The following BRIP1 variants were observed in gnomAD, a reference collection of about 807,000 sequenced individuals.
The protein encoded by BRIP1 is BRCA1 interacting DNA helicase 1.
Under a neutral mutation model 119.7 loss-of-function variants are expected in BRIP1, and 88 were observed. The ratio of observed to expected loss-of-function variants is 0.74; its 90% CI spans 0.62 to 0.88. BRIP1 has a LOEUF of 0.88. Among genes scored for constraint, BRIP1 ranks in the 40% least tolerant of loss-of-function variants. The probability of loss-of-function intolerance (pLI) is 0.00; values close to 1 mark genes in which losing one functional copy is unlikely to be tolerated. For synonymous variants in BRIP1, 443 were observed against 496.5 expected, an observed-to-expected ratio of 0.89 and a Z score of 1.43; for missense variants, 1,259 against 1,455.4, an observed-to-expected ratio of 0.87 and a Z score of 2.20.
At position 61,695,306 on chromosome 17, in the gene BRIP1, G is replaced by C. The variant is rs1315358670; in HGVS notation, c.2493-1794C>G. Among the ~76,000 whole-genome samples the C allele has an allele frequency of 6.6e-6, 1 of 152,090 alleles. No homozygotes were observed. The highest frequency in any genetic ancestry group is 2.4e-5 in the African/African-American group (1 of 41,432). Reference sequence around the variant, plus strand: ...AAAAACCAGTTCACTGTAGATGTATGAATTTGTTTATGGACCCTCAATTCT... The same window carrying C: ...AAAAACCAGTTCACTGTAGATGTATCAATTTGTTTATGGACCCTCAATTCT... On this transcript the variant is annotated intron_variant, in intron 17 of 19. Coordinates refer to ENST00000259008, the MANE Select transcript of BRIP1 (RefSeq NM_032043.3). The surrounding 1 kb of genome is among the most constrained non-coding windows in gnomAD (Gnocchi z 4.3).
intron 14 of BRIP1, among the ~76,000 whole-genome samples, chr17:61,747,128 T>C (rs1455072036): frequency 1.3e-5 from 2 of 152,076 alleles, no homozygotes; most frequent in Non-Finnish European, 2.9e-5. Context: ...TGAAATTATC[T>C]TGAGACCAGT....
intron 7 of BRIP1, among the ~76,000 whole-genome samples, chr17:61,801,801 C>G (rs901224169): frequency 2.2e-4 from 34 of 152,088 alleles, no homozygotes; most frequent in African/African-American, 8.2e-4. Flanking sequence ...TGAAATACTT[C>G]TGAAAGGATT....
intron 17 of BRIP1, among the ~76,000 whole-genome samples, chr17:61,712,466 C>T (rs1403848600): frequency 2.0e-5 from 3 of 151,986 alleles, no homozygotes; most frequent in Non-Finnish European, 4.4e-5. Context: ...CACCCGCCTC[C>T]ACCTACCAAA....
In BRIP1 at chr17:61,845,501, C is replaced by T. The variant is rs1030873014; in HGVS notation, c.627+1600G>A. Among the ~76,000 whole-genome samples, 8 of 152,130 alleles carry T rather than the reference C, an allele frequency of 5.3e-5. No homozygotes were observed. Among genetic ancestry groups the T allele is most frequent in the Non-Finnish European group, 1.0e-4 (7 of 68,030 alleles). Reference sequence around the variant, plus strand: ...TAAAAAGTCATATTCTGTAATATCACCAATTTCATCAGAAAAGTCTGTAGT... The same window carrying T: ...TAAAAAGTCATATTCTGTAATATCATCAATTTCATCAGAAAAGTCTGTAGT... On this transcript the variant is annotated intron_variant, in intron 6 of 19. Coordinates refer to ENST00000259008, the MANE Select transcript of BRIP1 (RefSeq NM_032043.3). The surrounding 1 kb of genome is among the most constrained non-coding windows in gnomAD (Gnocchi z 4.2).
In BRIP1 at chr17:61,724,381, A is replaced by C. The variant is rs2076738989; in HGVS notation, c.2380-8318T>G. ...TAAGTAGCAGAGCACTTATAGCAGC[A>C]ATAGACAATATGAAATAATCAAAAG... On this transcript the variant is annotated intron_variant, in intron 16 of 19. Transcript: ENST00000259008. This position sits in a 1 kb window ranked among gnomAD's most constrained non-coding sequence, Gnocchi z 5.1. Among the ~76,000 whole-genome samples, 1 of 152,280 alleles carries C rather than the reference A, an allele frequency of 6.6e-6. No homozygotes were observed. Among genetic ancestry groups the C allele is most frequent in the African/African-American group, 2.4e-5 (1 of 41,582 alleles).
Position 61,845,997 on chromosome 17 carries a change from G to C in BRIP1, c.627+1104C>G, listed in dbSNP as rs529492488. ...GAAGATCGAGACCATCCTGGCTAAC[G>C]TGGTGAAACCCCGTCTCTACTAAAA... On this transcript the variant is annotated intron_variant, in intron 6 of 19. Coordinates refer to ENST00000259008, the MANE Select transcript of BRIP1 (RefSeq NM_032043.3). This position sits in a 1 kb window ranked among gnomAD's most constrained non-coding sequence, Gnocchi z 4.2. Among the ~76,000 whole-genome samples, 2 of 151,756 alleles carry C rather than the reference G, an allele frequency of 1.3e-5. No homozygotes were observed. The highest frequency in any genetic ancestry group is 1.3e-4 in the Admixed American group (2 of 15,236).
rs780921390 is a variant in BRIP1 at position 61,849,262 on chromosome 17, A to G, written c.380-6T>C. 2.5e-6 allele frequency: 4 copies of G among 1,607,978 alleles called. No individual in the cohort carries two copies. Among genetic ancestry groups the G allele is most frequent in the Middle Eastern group, 3.4e-4 (2 of 5,880 alleles). On this transcript the variant is annotated splice_region_variant and splice_polypyrimidine_tract_variant and intron_variant, in intron 4 of 19. Transcript: ENST00000259008. The stretch of plus-strand genomic sequence containing the variant: ...AGTGGTTTTTTCAGGGGAGTCTTAT[A>G]TAAGTAATTTAAAAAAAACAGCATA...
Position 61,699,906 on chromosome 17 carries a change from T to C in BRIP1, c.2493-6394A>G, listed in dbSNP as rs940616541. On this transcript the variant is annotated intron_variant, in intron 17 of 19. Coordinates refer to ENST00000259008, the MANE Select transcript of BRIP1 (RefSeq NM_032043.3). The surrounding 1 kb of genome is among the most constrained non-coding windows in gnomAD (Gnocchi z 4.8). ...TAATGAGTTCCTCTGATTGGAAATA[T>C]TTGACACATGTTGCCACAACTCATT... Among the ~76,000 whole-genome samples the C allele has an allele frequency of 6.6e-6, 1 of 152,218 alleles. No homozygotes were observed. The highest frequency in any genetic ancestry group is 2.4e-5 in the African/African-American group (1 of 41,446).
chr17:61,843,075 GGA>G lies in BRIP1; in HGVS notation c.627+4024_627+4025del, dbSNP rs2078680029. Among the ~76,000 whole-genome samples the G allele has an allele frequency of 6.6e-6, 1 of 152,172 alleles. No homozygotes were observed. Reference sequence around the variant, plus strand: ...TATTTGTGACAACATGGATGAACCTGGAGGGAGGACATTATGCAAAGTGAAAT... The same window carrying G: ...TATTTGTGACAACATGGATGAACCTGGGGAGGACATTATGCAAAGTGAAAT... On this transcript the variant is annotated intron_variant, in intron 6 of 19. Coordinates refer to ENST00000259008, the MANE Select transcript of BRIP1 (RefSeq NM_032043.3). The surrounding 1 kb of genome is among the most constrained non-coding windows in gnomAD (Gnocchi z 5.7).
chr17:61,705,483 T>C lies in BRIP1; in HGVS notation c.2492+10468A>G, dbSNP rs942061537. Among the ~76,000 whole-genome samples, 1 of 152,192 alleles carries C rather than the reference T, an allele frequency of 6.6e-6. No individual in the cohort carries two copies. Among genetic ancestry groups the C allele is most frequent in the African/African-American group, 2.4e-5 (1 of 41,456 alleles). ...GTAATGGGATTGCTGAGTTGAATGG[T>C]AGCTCAACTCTTAGTTCAAGCAGCT... On this transcript the variant is annotated intron_variant, in intron 17 of 19. Coordinates refer to ENST00000259008, the MANE Select transcript of BRIP1 (RefSeq NM_032043.3). This position sits in a 1 kb window ranked among gnomAD's most constrained non-coding sequence, Gnocchi z 5.0.
Position 61,735,960 on chromosome 17 carries a change from T to G in BRIP1, c.2379+7053A>C, listed in dbSNP as rs923435458. ...TGACCCAGCTAAGCCATGCCCACAC[T>G]TGTGACCAATGGAAACTGAGATAAT... On this transcript the variant is annotated intron_variant, in intron 16 of 19. Transcript: ENST00000259008. This position sits in a 1 kb window ranked among gnomAD's most constrained non-coding sequence, Gnocchi z 4.4. Among the ~76,000 whole-genome samples, 3 of 152,216 alleles carry G rather than the reference T, an allele frequency of 2.0e-5. No homozygotes were observed. The highest frequency in any genetic ancestry group is 3.4e-3 in the Middle Eastern group (1 of 294).
Position 61,722,230 on chromosome 17 carries a change from A to AG in BRIP1, c.2380-6168dup, listed in dbSNP as rs879191630. Among the ~76,000 whole-genome samples the AG allele has an allele frequency of 9.9e-5, 15 of 151,682 alleles. No homozygotes were observed. The highest frequency in any genetic ancestry group is 3.6e-4 in the African/African-American group (15 of 41,280). On this transcript the variant is annotated intron_variant, in intron 16 of 19. Transcript: ENST00000259008. This position sits in a 1 kb window ranked among gnomAD's most constrained non-coding sequence, Gnocchi z 4.6. ...CTATTCTTTTGTATTTTTAGTAGAG[A>AG]GGGGGGTTTCACTGTGTTAGCCAGG...
chr17:61,808,830 T>C lies in BRIP1; in HGVS notation c.628-73A>G. ...AAACGTTATCAAACCTCACATGGAA[T>C]CAGAACCTGTAAGTAATGAATCACA... On this transcript the variant is annotated intron_variant, in intron 6 of 19. Coordinates refer to ENST00000259008, the MANE Select transcript of BRIP1 (RefSeq NM_032043.3). The surrounding 1 kb of genome is among the most constrained non-coding windows in gnomAD (Gnocchi z 4.1). 3 of 1,427,812 alleles carry C rather than the reference T, an allele frequency of 2.1e-6. No homozygotes were observed. The highest frequency in any genetic ancestry group is 1.9e-6 in the Non-Finnish European group (2 of 1,028,276). 88.4% of individuals were successfully genotyped at this position (1,427,812 alleles called of 1,614,324 possible). A position where few individuals can be genotyped will look rare whatever the true frequency, so the allele number is the denominator to read the frequency against.
Position 61,852,790 on chromosome 17 carries a change from A to G in BRIP1, c.380-3534T>C, listed in dbSNP as rs1462885436. 1.3e-5 allele frequency among the ~76,000 whole-genome samples: 2 copies of G among 152,232 alleles called. No individual in the cohort carries two copies. Among genetic ancestry groups the G allele is most frequent in the African/African-American group, 4.8e-5 (2 of 41,450 alleles). ...ATACTAACTAAAACCCAATGAGAAT[A>G]CCACACATACACAAGAATGACTAAC... On this transcript the variant is annotated intron_variant, in intron 4 of 19. Coordinates refer to ENST00000259008, the MANE Select transcript of BRIP1 (RefSeq NM_032043.3). This position sits in a 1 kb window ranked among gnomAD's most constrained non-coding sequence, Gnocchi z 4.9.
rs532564253 is a variant in BRIP1, at chr17:61,770,352, A to G, written c.2097+6049T>C. On this transcript the variant is annotated intron_variant, in intron 14 of 19. Transcript: ENST00000259008. The surrounding 1 kb of genome is among the most constrained non-coding windows in gnomAD (Gnocchi z 4.7). ...AGCTGCAAGGCTCAGATTCTATTTAAGAATAAGTTTTTAGGGACATTGGAG... is the reference window on the plus strand; with the variant it reads ...AGCTGCAAGGCTCAGATTCTATTTAGGAATAAGTTTTTAGGGACATTGGAG... Among the ~76,000 whole-genome samples, 23 of 152,334 alleles carry G rather than the reference A, an allele frequency of 1.5e-4. No homozygotes were observed. In the South Asian group the frequency reaches 4.8e-3, roughly 32 times the overall value.
rs1060504325 is a variant in BRIP1 at position 61,744,562 on chromosome 17, G to A, written c.2127C>T (p.Leu709=). 1 of 1,613,674 alleles carries A rather than the reference G, an allele frequency of 6.2e-7. No homozygotes were observed. Among genetic ancestry groups the A allele is most frequent in the Non-Finnish European group, 8.5e-7 (1 of 1,179,738 alleles). ...CCAGATTATGCCATAAACCAGTAGA[G>A]AGCCAACGTTCTTTTAATTTTTCTA... is the stretch of plus-strand genomic sequence containing the variant. ...KLLEKLKERW[L]STGLWHNLEL... The change falls in exon 15 of 20, where the codon CTC becomes CTT. Residue 709 remains leucine (L), a synonymous_variant. Coordinates refer to ENST00000259008, the MANE Select transcript of BRIP1 (RefSeq NM_032043.3). The surrounding 1 kb of genome is among the most constrained non-coding windows in gnomAD (Gnocchi z 5.0).
Position 61,745,097 on chromosome 17 carries a change from A to G in BRIP1, c.2098-506T>C, listed in dbSNP as rs533618887. On this transcript the variant is annotated intron_variant, in intron 14 of 19. Transcript: ENST00000259008. This position sits in a 1 kb window ranked among gnomAD's most constrained non-coding sequence, Gnocchi z 4.4. ...TTTAAGATCATTTTACTAAGTGTAT[A>G]GGCAGATAAGCTCATTATTTGAATA... Among the ~76,000 whole-genome samples the G allele has an allele frequency of 1.3e-5, 2 of 152,342 alleles. No individual in the cohort carries two copies. Among genetic ancestry groups the G allele is most frequent in the South Asian group, 4.1e-4 (2 of 4,826 alleles).
chr17:61,858,551 T>G (rs1396367944), intron 3 of BRIP1, among the ~76,000 whole-genome samples: 1 of 152,132 alleles, frequency 6.6e-6, no homozygotes, highest in Non-Finnish European at 1.5e-5. Context: ...TTTTGTATTT[T>G]TAGTAGAGAC....
intron 5 of BRIP1, among the ~76,000 whole-genome samples, chr17:61,847,721 C>T (rs2078756002): frequency 6.6e-6 from 1 of 152,080 alleles, no homozygotes; most frequent in Non-Finnish European, 1.5e-5. Flanking sequence ...AACCAAGTTG[C>T]CTTTGATTAA....
Sources: allele counts gnomAD v4.1 joint callset (sites outside exome capture counted in the v4.1 genomes callset), GRCh38; gene constraint gnomAD v4.1.1; non-coding constraint Gnocchi (gnomAD v3.1); transcripts MANE v1.5; gene names NCBI Gene and HGNC (gene_info 2026-07-23, HGNC 2026-07-21).